EXPH5: variants seen among roughly 807,000 people sequenced by gnomAD.
EXPH5 encodes the protein exophilin 5.
Under a neutral mutation model 41.1 loss-of-function variants are expected in EXPH5, and 42 were observed. The observed-to-expected ratio is 1.02, with a 90% CI of 0.80 to 1.32. EXPH5 has a LOEUF of 1.32. EXPH5 is among the 40% of genes most tolerant of loss of function. The pLI is 0.00. For missense variants in EXPH5, 2,298 were observed against 2,314.5 expected (o/e 0.99, Z 0.15); for synonymous variants, 798 against 833.5 (o/e 0.96, Z 0.73).
At chr11:108,594,945 C>G (rs1259719805), upstream of EXPH5, among the ~76,000 whole-genome samples, 2 of 152,182 alleles carry the variant, frequency 1.3e-5, no homozygotes, top group African/African-American at 4.8e-5. Flanking sequence ...GAACCAGGAA[C>G]CAATTTTGTT....
At chr11:108,604,412 G>A in the EXPH5 span, among the ~76,000 whole-genome samples, 1 of 151,804 alleles carries the variant, frequency 6.6e-6, no homozygotes, top group Non-Finnish European at 1.5e-5. Flanking sequence ...AAGGCGGGGG[G>A]TGGGAGAGGG....
At chr11:108,562,513 GTGGAAGAAT>G (rs1052697684) in intron 1 of EXPH5, among the ~76,000 whole-genome samples, 28 of 152,066 alleles carry the variant, frequency 1.8e-4, no homozygotes, top group Admixed American at 1.2e-3. Flanking sequence ...AGAGGCTGAG[GTGGAAGAAT>G]TGCTTGAATC....
At chr11:108,577,626 T>C (rs1372988956) in intron 1 of EXPH5, among the ~76,000 whole-genome samples, 3 of 152,100 alleles carry the variant, frequency 2.0e-5, no homozygotes, top group Admixed American at 6.6e-5. Context: ...TTTCGCCGTG[T>C]TGCCCAGGCT....
chr11:108,550,500 T>C (rs1013894691), intron 1 of EXPH5, among the ~76,000 whole-genome samples: 3 of 152,248 alleles, frequency 2.0e-5, no homozygotes, highest in African/African-American at 7.2e-5. Flanking sequence ...GGGGTGAGAC[T>C]GGGAGCAGTG....
rs771401232 is a variant in EXPH5 at position 108,511,530 on chromosome 11, G to A, written c.3977C>T (p.Thr1326Ile). The A allele has an allele frequency of 1.2e-6, 2 of 1,606,674 alleles. No individual in the cohort carries two copies. Among genetic ancestry groups the A allele is most frequent in the African/African-American group, 2.7e-5 (2 of 74,608 alleles). ...MSVNSDQTLT[T>I]ENMTAFRLSN... is the part of the protein sequence containing the mutation. ...TAATCGGAAGGCAGTCATATTTTCA[G>A]TGGTGAGCGTCTGATCAGAGTTGAC... Residue 1326 changes from threonine to isoleucine, a missense_variant, in exon 6 of 6, where the codon ACT (threonine) becomes ATT (isoleucine). Physicochemically the swap from Thr to Ile is moderately conservative, Grantham distance 89. Transcript: ENST00000265843.
intron 1 of EXPH5, among the ~76,000 whole-genome samples, chr11:108,573,944 C>A (rs2094071333): frequency 6.6e-6 from 1 of 152,162 alleles, no homozygotes; most frequent in East Asian, 1.9e-4. Context: ...CTCTGTTGCC[C>A]AGGCTGGAGT....
At chr11:108,517,288 A>G (rs942038651) in intron 5 of EXPH5, among the ~76,000 whole-genome samples, 1 of 152,166 alleles carries the variant, frequency 6.6e-6, no homozygotes, top group Non-Finnish European at 1.5e-5. Context: ...TTTTCATTCC[A>G]TAAACAGTAG....
intron 3 of EXPH5, among the ~76,000 whole-genome samples, chr11:108,529,645 G>A (rs1284639118): frequency 6.6e-6 from 1 of 152,102 alleles, no homozygotes; most frequent in East Asian, 1.9e-4. Context: ...AGGAGTTCGA[G>A]ACCAGCCTGA....
chr11:108,547,791 C>T (rs1377538293), intron 1 of EXPH5, among the ~76,000 whole-genome samples: 1 of 152,028 alleles, frequency 6.6e-6, no homozygotes, highest in Non-Finnish European at 1.5e-5. Flanking sequence ...TGTGACTTGG[C>T]AATTGAGCGT....
At chr11:108,526,955 G>T (rs960882428) in intron 4 of EXPH5, among the ~76,000 whole-genome samples, 1 of 152,146 alleles carries the variant, frequency 6.6e-6, no homozygotes, top group Non-Finnish European at 1.5e-5. Context: ...TGGTGTCATG[G>T]TTGGGGCTGA....
At chr11:108,532,306 T>G (rs1443782228) in intron 3 of EXPH5, among the ~76,000 whole-genome samples, 2 of 130,428 alleles carry the variant, frequency 1.5e-5, no homozygotes, top group African/African-American at 3.0e-5. Context: ...GCCTCCTGAG[T>G]AGCTAGGACT....
chr11:108,584,212 A>T (rs938640744), intron 1 of EXPH5, among the ~76,000 whole-genome samples: 2 of 152,228 alleles, frequency 1.3e-5, no homozygotes, highest in African/African-American at 4.8e-5. Context: ...ACAGTGGCTC[A>T]CACTTATAAT....
At chr11:108,528,039 A>G in intron 4 of EXPH5, 97 bp downstream of exon 4, 2 of 747,062 alleles carry the variant, frequency 2.7e-6, no homozygotes, top group East Asian at 5.1e-5. Context: ...TAAATTTAAA[A>G]CTGAGCCGAG....
chr11:108,594,683 C>T (rs2094136169), upstream of EXPH5, among the ~76,000 whole-genome samples: 1 of 152,122 alleles, frequency 6.6e-6, no homozygotes, highest in African/African-American at 2.4e-5. Flanking sequence ...CTTTCCTGCC[C>T]CATAGCCTTA....
Position 108,513,540 on chromosome 11 carries a change from A to T in EXPH5, c.1967T>A (p.Ile656Asn). 1 of 1,614,062 alleles carries T rather than the reference A, an allele frequency of 6.2e-7. No individual in the cohort carries two copies. The highest frequency in any genetic ancestry group is 8.5e-7 in the Non-Finnish European group (1 of 1,180,014). The change falls in exon 6 of 6, where the codon ATT (isoleucine) becomes AAT (asparagine). Residue 656 changes from isoleucine (I) to asparagine (N), a missense_variant. Coordinates refer to ENST00000265843, the MANE Select transcript of EXPH5 (RefSeq NM_015065.3). ...LQNPTVTLQK[I>N]FPNKPASHPM... ...ATGAGAGGCAGGCTTATTTGGAAAAATTTTCTGCAAAGTGACTGTGGGATT... is the reference window on the plus strand; with the variant it reads ...ATGAGAGGCAGGCTTATTTGGAAAATTTTTCTGCAAAGTGACTGTGGGATT...
chr11:108,571,436 T>C (rs1335194996), intron 1 of EXPH5, among the ~76,000 whole-genome samples: 1 of 152,088 alleles, frequency 6.6e-6, no homozygotes, highest in Non-Finnish European at 1.5e-5. Context: ...GTGGACAGAC[T>C]CTCCTTGATG....
upstream of EXPH5, among the ~76,000 whole-genome samples, chr11:108,598,448 T>G (rs1055457745): frequency 2.0e-4 from 30 of 152,108 alleles, no homozygotes; most frequent in African/African-American, 6.5e-4. Context: ...TTCAGGGAGT[T>G]TGCACTTCCT....
chr11:108,603,137 T>G, the EXPH5 span, among the ~76,000 whole-genome samples: 1 of 152,192 alleles, frequency 6.6e-6, no homozygotes, highest in East Asian at 1.9e-4. Context: ...TCCTGAGGCC[T>G]CCCCAGCCAT....
intron 1 of EXPH5, among the ~76,000 whole-genome samples, chr11:108,583,057 G>T (rs1447490088): frequency 6.6e-6 from 1 of 152,108 alleles, no homozygotes; most frequent in African/African-American, 2.4e-5. Context: ...ACAACAGTAA[G>T]GCTGGTTTGA....
Sources: allele counts gnomAD v4.1 joint callset (sites outside exome capture counted in the v4.1 genomes callset), GRCh38; gene constraint gnomAD v4.1.1; transcripts MANE v1.5; gene names NCBI Gene and HGNC (gene_info 2026-07-23, HGNC 2026-07-21).